Variants in FBXW8 observed in about 807,000 individuals in gnomAD.
The protein encoded by FBXW8 is F-box/WD repeat-containing protein 8.
A neutral mutation model predicts 65.3 loss-of-function variants in FBXW8; 57 were observed. The ratio of observed to expected loss-of-function variants is 0.87; its 90% CI spans 0.71 to 1.09. FBXW8 has a LOEUF of 1.09. Ranked by LOEUF, FBXW8 falls within the 50% of genes least tolerant of loss-of-function variation. The pLI is 0.00. For synonymous variants in FBXW8, 308 were observed against 330.2 expected, an observed-to-expected ratio of 0.93 and a Z score of 0.73; for missense variants, 777 against 814.8, an observed-to-expected ratio of 0.95 and a Z score of 0.57.
At chr12:116,939,038 CT>C (rs1219550475) in intron 2 of FBXW8, among the ~76,000 whole-genome samples, 1 of 152,176 alleles carries the variant, frequency 6.6e-6, no homozygotes, top group Non-Finnish European at 1.5e-5. Context: ...CAAAACATAT[CT>C]TAACTGATTG....
intron 2 of FBXW8, among the ~76,000 whole-genome samples, chr12:116,934,818 A>C (rs945352135): frequency 2.7e-4 from 41 of 152,310 alleles, no homozygotes; most frequent in African/African-American, 9.4e-4. Context: ...TTATTTGTGA[A>C]TCTATGGAAC....
chr12:117,016,411 A>G (rs1250229061), intron 8 of FBXW8, among the ~76,000 whole-genome samples: 3 of 152,190 alleles, frequency 2.0e-5, no homozygotes, highest in Non-Finnish European at 4.4e-5. Context: ...CTGTTTGTAT[A>G]TCTTCTCTGG....
At chr12:116,970,988 A>G (rs1370630276) in intron 5 of FBXW8, among the ~76,000 whole-genome samples, 1 of 152,220 alleles carries the variant, frequency 6.6e-6, no homozygotes, top group African/African-American at 2.4e-5. Context: ...AAAACACACC[A>G]GGTATAGTCC....
intron 5 of FBXW8, chr12:116,979,299 G>A (rs1303838306): frequency 6.6e-6 from 1 of 152,222 alleles, no homozygotes; most frequent in Non-Finnish European, 1.5e-5. Context: ...AGGTGGGAGG[G>A]GCCTGCTGCA....
chr12:116,943,175 C>A (rs142576891), intron 2 of FBXW8, among the ~76,000 whole-genome samples: 1 of 152,098 alleles, frequency 6.6e-6, no homozygotes, highest in Non-Finnish European at 1.5e-5. Context: ...GATTTAAAGT[C>A]TCTGTTTAGT....
intron 1 of FBXW8, among the ~76,000 whole-genome samples, chr12:116,915,359 C>G (rs1352153588): frequency 6.6e-6 from 1 of 152,210 alleles, no homozygotes; most frequent in Non-Finnish European, 1.5e-5. Flanking sequence ...TTAAACATGG[C>G]CATCTTGGTC....
Position 116,985,467 on chromosome 12 carries a change from G to T in FBXW8, c.1032+65G>T. The T allele has an allele frequency of 3.4e-6, 5 of 1,481,680 alleles. No homozygotes were observed. The South Asian group carries it at 6.5e-5, about 19-fold the overall frequency. 91.8% of individuals were successfully genotyped at this position (1,481,680 alleles called of 1,614,324 possible). On this transcript the variant is annotated intron_variant, in intron 6 of 10. Transcript: ENST00000652555. ...GAATCTCTGGGTCTAATGTAAGCAC[G>T]TACTAATGGTGTTGGTAACTCCCAT...
At chr12:116,995,996 C>T (rs1953364781) in intron 7 of FBXW8, among the ~76,000 whole-genome samples, 1 of 152,140 alleles carries the variant, frequency 6.6e-6, no homozygotes, top group Non-Finnish European at 1.5e-5. Context: ...ATTCTGCTCT[C>T]AGAGGTGGAG....
rs1464812332 is a variant in FBXW8 at position 116,928,146 on chromosome 12, A to G, written c.423+19A>G. 1 of 1,467,278 alleles carries G rather than the reference A, an allele frequency of 6.8e-7. No individual in the cohort carries two copies. The highest frequency in any genetic ancestry group is 2.3e-5 in the East Asian group (1 of 44,184). The allele number at this position is 1,467,278 out of a possible 1,614,324, so 90.9% of individuals were successfully genotyped here. A position where few individuals can be genotyped will look rare whatever the true frequency, so the allele number is the denominator to read the frequency against. ...TGCACAGGTAAGGTGTCACCAACAG[A>G]TGTTCCAGATTTTCCTAAATGTGTG... On this transcript the variant is annotated intron_variant, in intron 2 of 10. Coordinates refer to ENST00000652555, the MANE Select transcript of FBXW8 (RefSeq NM_153348.3).
At chr12:116,928,152 C>A in intron 2 of FBXW8, 25 bp downstream of exon 2, 1 of 1,418,410 alleles carries the variant, frequency 7.1e-7, no homozygotes. Flanking sequence ...ACAGATGTTC[C>A]AGATTTTCCT....
intron 4 of FBXW8, among the ~76,000 whole-genome samples, chr12:116,960,968 C>CA (rs1308599991): frequency 6.6e-6 from 1 of 152,104 alleles, no homozygotes; most frequent in Non-Finnish European, 1.5e-5. Context: ...TGGTGATTCT[C>CA]AATCTTGGCT....
rs112061860 is a variant in FBXW8, at chr12:116,938,856, G to A, written c.424-6508G>A. On this transcript the variant is annotated intron_variant, in intron 2 of 10. Coordinates refer to ENST00000652555, the MANE Select transcript of FBXW8 (RefSeq NM_153348.3). ...GCCAGTCTTGTGATCTAACCTGGGT[G>A]TAACGGCAGGGACCCCAGCATTTCC... is the stretch of plus-strand genomic sequence containing the variant. Among the ~76,000 whole-genome samples, 302 of 152,328 alleles carry A rather than the reference G, an allele frequency of 2.0e-3. 2 individuals carry two copies. Among genetic ancestry groups the A allele is most frequent in the African/African-American group, 7.0e-3 (292 of 41,570 alleles).
chr12:117,004,900 A>G (rs542847065), intron 7 of FBXW8, among the ~76,000 whole-genome samples: 1 of 152,216 alleles, frequency 6.6e-6, no homozygotes, highest in African/African-American at 2.4e-5. Context: ...TCTGGGTTTC[A>G]TGCTGTCTCC....
intron 1 of FBXW8, among the ~76,000 whole-genome samples, chr12:116,914,628 C>T (rs1172756365): frequency 6.7e-6 from 1 of 148,840 alleles, no homozygotes; most frequent in Admixed American, 6.7e-5. Context: ...GTAATCCCAG[C>T]ACTTTGGGAG....
Position 116,911,099 on chromosome 12 carries a change from A to G in FBXW8, c.62A>G (p.Gln21Arg). Residue 21 changes from glutamine to arginine, a missense_variant, in exon 1 of 11, where the codon CAG (glutamine) becomes CGG (arginine). Gln to Arg is a conservative substitution (Grantham distance 43). Coordinates refer to ENST00000652555, the MANE Select transcript of FBXW8 (RefSeq NM_153348.3). Reference protein sequence around the residue: ...RRWQEELAQAQAPKKRRRPEA... With the variant: ...RRWQEELAQARAPKKRRRPEA... ...TGGCAGGAGGAGCTGGCGCAGGCCC[A>G]GGCGCCGAAGAAGCGGCGACGGCCC... The G allele has an allele frequency of 5.0e-6, 7 of 1,410,930 alleles. No homozygotes were observed. The highest frequency in any genetic ancestry group is 1.5e-5 in the South Asian group (1 of 65,282). The allele number at this position is 1,410,930 out of a possible 1,614,324, so 87.4% of individuals were successfully genotyped here.
chr12:116,955,130 A>G (rs760453887), intron 4 of FBXW8, among the ~76,000 whole-genome samples: 5 of 152,104 alleles, frequency 3.3e-5, no homozygotes, highest in Non-Finnish European at 5.9e-5. Flanking sequence ...TGTGTAAGAA[A>G]GGAAAACTCC....
intron 5 of FBXW8, among the ~76,000 whole-genome samples, chr12:116,974,381 C>T (rs1228342226): frequency 2.0e-5 from 3 of 152,172 alleles, no homozygotes; most frequent in Non-Finnish European, 4.4e-5. Flanking sequence ...AGTAAAAAGA[C>T]CTCGTAATAC....
intron 4 of FBXW8, among the ~76,000 whole-genome samples, chr12:116,962,972 G>A (rs1320458052): frequency 5.3e-5 from 8 of 152,190 alleles, no homozygotes; most frequent in African/African-American, 1.4e-4. Flanking sequence ...GCCAGTGGCC[G>A]TGCTTTGGCT....
At chr12:116,977,085 G>A (rs1243792143) in intron 5 of FBXW8, among the ~76,000 whole-genome samples, 2 of 152,180 alleles carry the variant, frequency 1.3e-5, no homozygotes, top group Non-Finnish European at 2.9e-5. Context: ...GTATCTGAAT[G>A]CCCAAGTGAG....
Sources: allele counts gnomAD v4.1 joint callset (sites outside exome capture counted in the v4.1 genomes callset), GRCh38; gene constraint gnomAD v4.1.1; transcripts MANE v1.5; gene names NCBI Gene and HGNC (gene_info 2026-07-23, HGNC 2026-07-21).